Variants in KBTBD12 observed in about 807,000 individuals in gnomAD.
KBTBD12 encodes the protein kelch repeat and BTB domain-containing protein 12.
KBTBD12 carries 53 observed loss-of-function variants against 58.7 expected under a neutral mutation model. That is an observed-to-expected ratio of 0.90 (90% CI 0.72 to 1.14). The LOEUF is 1.14. Ranked by LOEUF, KBTBD12 falls within the 50% of genes most tolerant of loss-of-function variation. KBTBD12 has a pLI of 0.00. For missense variants in KBTBD12, 704 were observed against 751.3 expected (o/e 0.94, Z 0.74); for synonymous variants, 236 against 259.8 (o/e 0.91, Z 0.88).
chr3:127,924,231 A>G (rs902583008), intron 2 of KBTBD12, 100 bp downstream of exon 2: 1 of 705,340 alleles, frequency 1.4e-6, no homozygotes, highest in Non-Finnish European at 2.4e-6. Flanking sequence ...AATTATTTGT[A>G]GTCAAAATTA....
intron 4 of KBTBD12, among the ~76,000 whole-genome samples, chr3:127,962,419 A>G (rs17341691): frequency 0.038 from 5,793 of 152,338 alleles, 200 homozygotes; most frequent in East Asian, 0.16. Context: ...TCCTTGTTAC[A>G]GTCCCTGGAC....
At chr3:127,934,280 T>C (rs2107595420) in intron 4 of KBTBD12, among the ~76,000 whole-genome samples, 1 of 152,296 alleles carries the variant, frequency 6.6e-6, no homozygotes, top group African/African-American at 2.4e-5. Flanking sequence ...CCAGTGGAAA[T>C]GTTAAACTTG....
intron 4 of KBTBD12, among the ~76,000 whole-genome samples, chr3:127,945,387 T>C (rs1940057889): frequency 6.6e-6 from 1 of 151,332 alleles, no homozygotes; most frequent in Non-Finnish European, 1.5e-5. Flanking sequence ...GGTTTCACCC[T>C]GTTAGCCAGG....
At chr3:127,958,281 T>C (rs914174910) in intron 4 of KBTBD12, among the ~76,000 whole-genome samples, 6 of 152,046 alleles carry the variant, frequency 3.9e-5, no homozygotes, top group Non-Finnish European at 8.8e-5. Context: ...GTGACATTCA[T>C]CTGCAGCTGG....
chr3:127,954,618 G>A (rs180820285), intron 4 of KBTBD12, among the ~76,000 whole-genome samples: 33 of 152,290 alleles, frequency 2.2e-4, no homozygotes, highest in Non-Finnish European at 4.0e-4. Context: ...GTCAAATTGC[G>A]TTCAAAAGTT....
At chr3:127,921,159 T>C (rs1174779284) in intron 1 of KBTBD12, among the ~76,000 whole-genome samples, 1 of 152,134 alleles carries the variant, frequency 6.6e-6, no homozygotes, top group African/African-American at 2.4e-5. Context: ...TATTTAATTC[T>C]CCTGAATATT....
At chr3:127,966,388 GAT>G (rs1940571047) in intron 5 of KBTBD12, among the ~76,000 whole-genome samples, 1 of 152,218 alleles carries the variant, frequency 6.6e-6, no homozygotes, top group South Asian at 2.1e-4. Context: ...ATAGATGAAA[GAT>G]AGAAAGCAAA....
At chr3:127,982,174 G>A (rs1940885250) in intron 5 of KBTBD12, among the ~76,000 whole-genome samples, 1 of 152,136 alleles carries the variant, frequency 6.6e-6, no homozygotes, top group Non-Finnish European at 1.5e-5. Context: ...AAATTATCAG[G>A]TGAAAAGAAA....
chr3:127,946,833 CT>C, intron 4 of KBTBD12, among the ~76,000 whole-genome samples: 1 of 152,160 alleles, frequency 6.6e-6, no homozygotes, highest in Non-Finnish European at 1.5e-5. Context: ...TATTCCCATA[CT>C]TCAGTTTGAA....
intron 4 of KBTBD12, among the ~76,000 whole-genome samples, chr3:127,932,366 G>A (rs547535252): frequency 5.3e-5 from 8 of 152,066 alleles, no homozygotes; most frequent in South Asian, 4.2e-4. Flanking sequence ...ATTGGAATTC[G>A]GGCAACTATC....
intron 4 of KBTBD12, among the ~76,000 whole-genome samples, chr3:127,952,641 A>G (rs1286834096): frequency 6.6e-6 from 1 of 152,246 alleles, no homozygotes; most frequent in East Asian, 1.9e-4. Context: ...CAGTTTTTTC[A>G]GAATAAAATT....
intron 4 of KBTBD12, among the ~76,000 whole-genome samples, chr3:127,958,236 C>T (rs1366876184): frequency 1.3e-5 from 2 of 152,076 alleles, no homozygotes; most frequent in African/African-American, 4.8e-5. Flanking sequence ...GAGGTACAGT[C>T]AGCAGAGTCG....
chr3:127,923,152 A>T lies in KBTBD12; in HGVS notation c.91A>T (p.Ile31Phe), dbSNP rs749908715. The change falls in exon 2 of 6, where the codon ATT (isoleucine) becomes TTT (phenylalanine). Residue 31 changes from isoleucine (I) to phenylalanine (F), a missense_variant. Coordinates refer to ENST00000405109, the MANE Select transcript of KBTBD12 (RefSeq NM_207335.4). ...IQNMKELAEM[I>F]DVVLTAEGEK... ...GAACATGAAAGAATTAGCAGAAATG[A>T]TTGATGTGGTACTCACAGCAGAAGG... is the stretch of plus-strand genomic sequence containing the variant. The T allele has an allele frequency of 6.2e-7, 1 of 1,612,182 alleles. No homozygotes were observed. The highest frequency in any genetic ancestry group is 1.1e-5 in the South Asian group (1 of 91,028).
intron 4 of KBTBD12, among the ~76,000 whole-genome samples, chr3:127,946,570 T>C (rs1376592484): frequency 6.6e-6 from 1 of 152,212 alleles, no homozygotes; most frequent in Non-Finnish European, 1.5e-5. Context: ...TTCACTGTTG[T>C]TTTCAGCAAT....
chr3:127,969,663 C>A (rs550569068), intron 5 of KBTBD12, among the ~76,000 whole-genome samples: 66 of 152,252 alleles, frequency 4.3e-4, no homozygotes, highest in Middle Eastern at 6.8e-3. Flanking sequence ...CAGAAATAAT[C>A]CCTCCATTTC....
At chr3:127,975,758 C>G (rs1327597192) in intron 5 of KBTBD12, among the ~76,000 whole-genome samples, 1 of 152,064 alleles carries the variant, frequency 6.6e-6, no homozygotes, top group African/African-American at 2.4e-5. Flanking sequence ...AGAATTTTCT[C>G]TCCGAACTCT....
chr3:127,955,027 C>T (rs1056208658), intron 4 of KBTBD12, among the ~76,000 whole-genome samples: 17 of 152,170 alleles, frequency 1.1e-4, no homozygotes, highest in African/African-American at 3.6e-4. Flanking sequence ...TCTGTGTGTC[C>T]TCTGAAAGCC....
At chr3:127,915,786 T>C (rs73860725) in intron 1 of KBTBD12, among the ~76,000 whole-genome samples, 200 bp downstream of exon 1, 8,670 of 152,328 alleles carry the variant, frequency 0.057, 285 homozygotes, top group East Asian at 0.097. Context: ...AGGCCATCTC[T>C]GCCGTCTCCG....
At chr3:127,978,661 G>A (rs1940824668) in intron 5 of KBTBD12, among the ~76,000 whole-genome samples, 1 of 152,104 alleles carries the variant, frequency 6.6e-6, no homozygotes, top group Non-Finnish European at 1.5e-5. Flanking sequence ...AAGCTCCCAG[G>A]CATTCCCAGG....
Sources: allele counts gnomAD v4.1 joint callset (sites outside exome capture counted in the v4.1 genomes callset), GRCh38; gene constraint gnomAD v4.1.1; transcripts MANE v1.5; gene names NCBI Gene and HGNC (gene_info 2026-07-23, HGNC 2026-07-21).